Variants in RPS6KC1 observed in about 807,000 individuals in gnomAD.
RPS6KC1 encodes inactive ribosomal protein S6 kinase delta-1.
RPS6KC1 carries 54 observed loss-of-function variants against 103.8 expected under a neutral mutation model. The observed-to-expected ratio is 0.52, with a 90% confidence interval of 0.42 to 0.65. RPS6KC1 has a LOEUF of 0.65. RPS6KC1 is among the 30% of genes least tolerant of loss of function. The pLI, the probability that RPS6KC1 is intolerant of heterozygous loss-of-function variation, is 0.00. For missense variants in RPS6KC1, 1,151 were observed against 1,253.8 expected (o/e 0.92, Z 1.24); for synonymous variants, 439 against 438.7 (o/e 1.00, Z -0.01).
At chr1:213,745,420 TAAAAA>T in the RPS6KC1 span, among the ~76,000 whole-genome samples, 1 of 128,150 alleles carries the variant, frequency 7.8e-6, no homozygotes, top group Admixed American at 7.9e-5. Context: ...TACTGTGACT[TAAAAA>T]AAAAAAAAAA....
the RPS6KC1 span, among the ~76,000 whole-genome samples, chr1:213,586,960 G>A: frequency 1.1e-4 from 16 of 152,204 alleles, no homozygotes; most frequent in African/African-American, 3.1e-4. Flanking sequence ...GCCTGGTCAT[G>A]TGCCCTAATC....
the RPS6KC1 span, among the ~76,000 whole-genome samples, chr1:213,458,376 A>AT: frequency 2.1e-4 from 11 of 52,130 alleles, no homozygotes; most frequent in African/African-American, 2.9e-4. Context: ...TAAACGTAAC[A>AT]CTTTTTTTTT....
chr1:213,119,272 C>A (rs2084065864), intron 5 of RPS6KC1, among the ~76,000 whole-genome samples: 1 of 151,246 alleles, frequency 6.6e-6, no homozygotes, highest in Non-Finnish European at 1.5e-5. Context: ...TATGGTGAAA[C>A]CCTGTCTCTA....
chr1:213,407,551 G>A, the RPS6KC1 span, among the ~76,000 whole-genome samples: 4 of 152,178 alleles, frequency 2.6e-5, no homozygotes, highest in South Asian at 2.1e-4. Context: ...AAAGCAGACC[G>A]TGGGAACTTT....
chr1:213,579,870 A>G, the RPS6KC1 span, among the ~76,000 whole-genome samples: 8 of 152,104 alleles, frequency 5.3e-5, no homozygotes, highest in South Asian at 8.3e-4. Context: ...TGCTGAGAAT[A>G]AAAGATACCT....
the RPS6KC1 span, among the ~76,000 whole-genome samples, chr1:213,695,158 C>T: frequency 1.3e-5 from 2 of 152,242 alleles, no homozygotes; most frequent in Non-Finnish European, 2.9e-5. Flanking sequence ...AATAAATACG[C>T]GTTGAACAGA....
At chr1:213,251,102 CTTTTTTTTTT>C (rs1235280521) in intron 12 of RPS6KC1, among the ~76,000 whole-genome samples, 2 of 100,210 alleles carry the variant, frequency 2.0e-5, no homozygotes, top group African/African-American at 7.4e-5. Flanking sequence ...GGTTTTTCAG[CTTTTTTTTTT>C]TTTTTTTTTT....
chr1:213,460,587 A>G, the RPS6KC1 span, among the ~76,000 whole-genome samples: 1 of 152,128 alleles, frequency 6.6e-6, no homozygotes, highest in African/African-American at 2.4e-5. Context: ...GCCTGTTTAC[A>G]TTTAAGGTTA....
At chr1:213,066,999 A>T (rs1428066157) in intron 1 of RPS6KC1, among the ~76,000 whole-genome samples, 3 of 152,170 alleles carry the variant, frequency 2.0e-5, no homozygotes, top group Non-Finnish European at 4.4e-5. Context: ...AGATTGCCTC[A>T]TTTGGAGAAG....
the RPS6KC1 span, among the ~76,000 whole-genome samples, chr1:213,523,378 A>G: frequency 1.3e-5 from 2 of 152,374 alleles, no homozygotes; most frequent in South Asian, 4.1e-4. Flanking sequence ...CATGACACAG[A>G]GACATGAAAT....
intron 7 of RPS6KC1, among the ~76,000 whole-genome samples, chr1:213,169,781 G>GT (rs67593764): frequency 0.074 from 9,853 of 133,888 alleles, 512 homozygotes; most frequent in African/African-American, 0.13. Context: ...AAATTTTTAA[G>GT]TTTTTTTTTT....
At chr1:213,455,237 GTGT>G in the RPS6KC1 span, among the ~76,000 whole-genome samples, 1 of 152,232 alleles carries the variant, frequency 6.6e-6, no homozygotes, top group Non-Finnish European at 1.5e-5. Context: ...TGGAGGGAGA[GTGT>G]TGGTGATTCC....
the RPS6KC1 span, among the ~76,000 whole-genome samples, chr1:213,687,356 C>A: frequency 2.6e-5 from 4 of 152,040 alleles, no homozygotes; most frequent in Non-Finnish European, 4.4e-5. Context: ...GGTTTTAAAC[C>A]TCAGGGTTTT....
At chr1:213,617,130 C>T in the RPS6KC1 span, among the ~76,000 whole-genome samples, 1 of 152,184 alleles carries the variant, frequency 6.6e-6, no homozygotes, top group South Asian at 2.1e-4. Context: ...TCTCCTAAGA[C>T]AAAATTACAG....
At chr1:213,343,386 T>A in the RPS6KC1 span, among the ~76,000 whole-genome samples, 1 of 83,484 alleles carries the variant, frequency 1.2e-5, no homozygotes, top group African/African-American at 7.4e-5. Flanking sequence ...TTTTCAGTGT[T>A]GTGTGTATAT....
At chr1:213,549,432 G>A in the RPS6KC1 span, among the ~76,000 whole-genome samples, 1 of 151,996 alleles carries the variant, frequency 6.6e-6, no homozygotes, top group Non-Finnish European at 1.5e-5. Flanking sequence ...TTACTTCTTT[G>A]TTTTCTCTTT....
chr1:213,414,797 A>T, the RPS6KC1 span, among the ~76,000 whole-genome samples: 1 of 80,534 alleles, frequency 1.2e-5, no homozygotes, highest in Non-Finnish European at 2.5e-5. Context: ...TGGAAGCAGG[A>T]GGGGGTTTTA....
the RPS6KC1 span, chr1:213,428,602 C>T: frequency 3.3e-5 from 4 of 122,958 alleles, no homozygotes; most frequent in South Asian, 9.3e-4. Flanking sequence ...CTGCCTCCCT[C>T]CCTCCCTCCC....
the RPS6KC1 span, among the ~76,000 whole-genome samples, chr1:213,604,546 A>G: frequency 1.3e-5 from 2 of 152,166 alleles, no homozygotes; most frequent in Admixed American, 1.3e-4. Flanking sequence ...ATTTCTGGGA[A>G]TTGTGTCCCT....
Sources: allele counts gnomAD v4.1 joint callset (sites outside exome capture counted in the v4.1 genomes callset), GRCh38; gene constraint gnomAD v4.1.1; transcripts MANE v1.5; gene names NCBI Gene and HGNC (gene_info 2026-07-23, HGNC 2026-07-21).